Variants in ADGRL4 observed in about 807,000 individuals in gnomAD.
The protein encoded by ADGRL4 is EGF, latrophilin and seven transmembrane domain containing 1.
Under a neutral mutation model 74.8 loss-of-function variants are expected in ADGRL4, and 90 were observed. That is an observed-to-expected ratio of 1.20 (90% CI 1.02 to 1.43). The LOEUF (loss-of-function observed/expected upper bound fraction) is 1.43. Among genes scored for constraint, ADGRL4 ranks in the 40% most tolerant of loss-of-function variants. The pLI, the probability that ADGRL4 is intolerant of heterozygous loss-of-function variation, is 0.00. For missense variants in ADGRL4, 881 were observed against 814.3 expected (o/e 1.08, Z -1.00); for synonymous variants, 311 against 279.2 (o/e 1.11, Z -1.14).
At chr1:78,932,155 C>T (rs1206185628) in intron 7 of ADGRL4, among the ~76,000 whole-genome samples, 2 of 151,510 alleles carry the variant, frequency 1.3e-5, no homozygotes, top group East Asian at 1.9e-4. Flanking sequence ...GGCACTTATT[C>T]TAAAATCGAC....
At chr1:78,981,959 T>C (rs1029219528) in intron 2 of ADGRL4, among the ~76,000 whole-genome samples, 2 of 151,900 alleles carry the variant, frequency 1.3e-5, no homozygotes, top group Admixed American at 1.3e-4. Context: ...TTTAGTCTTC[T>C]TTGTAATCTG....
chr1:79,001,419 C>CA (rs1650841817), intron 2 of ADGRL4, among the ~76,000 whole-genome samples: 1 of 145,716 alleles, frequency 6.9e-6, no homozygotes, highest in Admixed American at 6.8e-5. Context: ...ATGCTTAAGA[C>CA]AAAAAAGAAA....
intron 2 of ADGRL4, among the ~76,000 whole-genome samples, chr1:78,977,431 T>C (rs902881662): frequency 3.3e-5 from 5 of 151,870 alleles, no homozygotes; most frequent in African/African-American, 9.7e-5. Context: ...AGAGTGTGCA[T>C]CTAAAATGGG....
rs566529827 is a variant in ADGRL4 at position 79,006,080 on chromosome 1, T to C, written c.22+553A>G. On this transcript the variant is annotated intron_variant, in intron 1 of 14. Coordinates refer to ENST00000370742, the MANE Select transcript of ADGRL4 (RefSeq NM_022159.4). ...GTTTTACCAGGCCTACTCAAGAGTCTTGAGGACCAACAGCTATGAAGCATG... is the reference window on the plus strand; with the variant it reads ...GTTTTACCAGGCCTACTCAAGAGTCCTGAGGACCAACAGCTATGAAGCATG... Among the ~76,000 whole-genome samples the C allele has an allele frequency of 8.5e-5, 13 of 152,338 alleles. No homozygotes were observed. In the South Asian group the frequency reaches 2.7e-3, roughly 32 times the overall value.
chr1:78,944,039 C>T (rs1029208964), intron 3 of ADGRL4, among the ~76,000 whole-genome samples: 7 of 152,010 alleles, frequency 4.6e-5, no homozygotes, highest in Non-Finnish European at 8.8e-5. Flanking sequence ...AATATACTAC[C>T]TCCATAAAAT....
intron 12 of ADGRL4, among the ~76,000 whole-genome samples, chr1:78,898,127 G>A (rs1039104399): frequency 6.6e-6 from 1 of 152,080 alleles, no homozygotes; most frequent in Non-Finnish European, 1.5e-5. Context: ...GGAGGATAAA[G>A]AATTAGAAAG....
chr1:78,937,318 G>A (rs1275744183), intron 6 of ADGRL4, among the ~76,000 whole-genome samples: 1 of 152,144 alleles, frequency 6.6e-6, no homozygotes. Flanking sequence ...GCTGGCACAC[G>A]CCTGTAATCC....
At chr1:78,905,266 A>G (rs760137653) in intron 12 of ADGRL4, among the ~76,000 whole-genome samples, 51 of 152,072 alleles carry the variant, frequency 3.4e-4, no homozygotes, top group Admixed American at 2.3e-3. Flanking sequence ...TAGAATTGTA[A>G]TTTGTAGATC....
intron 3 of ADGRL4, 43 bp from the exon 4 acceptor site, chr1:78,939,301 T>C: frequency 2.0e-6 from 3 of 1,491,528 alleles, no homozygotes; most frequent in South Asian, 2.7e-5. Context: ...TTTTAAAAAG[T>C]ATTTTTCCTA....
intron 2 of ADGRL4, among the ~76,000 whole-genome samples, chr1:78,959,566 C>T (rs1456455503): frequency 6.6e-6 from 1 of 152,098 alleles, no homozygotes; most frequent in African/African-American, 2.4e-5. Context: ...TGTTTACCTC[C>T]TAGGCAAAAT....
At chr1:78,965,991 C>CAAAAAAAAAAAAAAAAAAAAA (rs201414584) in intron 2 of ADGRL4, among the ~76,000 whole-genome samples, 1 of 107,936 alleles carries the variant, frequency 9.3e-6, no homozygotes. Flanking sequence ...AGGACAGAAC[C>CAAAAAAAAAAAAAAAAAAAAA]AAAAAAAAAA....
chr1:78,981,020 G>C (rs977490124), intron 2 of ADGRL4, among the ~76,000 whole-genome samples: 15 of 151,894 alleles, frequency 9.9e-5, no homozygotes, highest in Non-Finnish European at 2.2e-4. Flanking sequence ...GGACCCCTGA[G>C]TACTTCTTTT....
rs1226673908 is a variant in ADGRL4 at position 78,938,205 on chromosome 1, T to A, written c.471A>T (p.Thr157=). 6.2e-7 allele frequency: 1 copy of A among 1,611,824 alleles called. No homozygotes were observed. The highest frequency in any genetic ancestry group is 8.5e-7 in the Non-Finnish European group (1 of 1,179,054). ...YRNSVTDLSP[T]DIITYIEILA... ...ATATTTCTATATATGTAATTATATC[T>A]GTTGGTGAAAGATCTGTCACAGAAT... Residue 157 remains threonine (T), a synonymous_variant, in exon 5 of 15, where the codon ACA becomes ACT. Coordinates refer to ENST00000370742, the MANE Select transcript of ADGRL4 (RefSeq NM_022159.4).
At chr1:78,942,405 T>C (rs1649505586) in intron 3 of ADGRL4, among the ~76,000 whole-genome samples, 4 of 152,222 alleles carry the variant, frequency 2.6e-5, no homozygotes, top group Non-Finnish European at 4.4e-5. Context: ...AAGAGTGTTT[T>C]CTTCTAGGTT....
chr1:78,979,424 T>C (rs1650355929), intron 2 of ADGRL4, among the ~76,000 whole-genome samples: 1 of 151,972 alleles, frequency 6.6e-6, no homozygotes, highest in Admixed American at 6.6e-5. Context: ...CTTATGGCTC[T>C]AATTTGCCAA....
intron 2 of ADGRL4, among the ~76,000 whole-genome samples, chr1:78,952,910 A>T (rs1649758701): frequency 6.6e-6 from 1 of 151,740 alleles, no homozygotes; most frequent in South Asian, 2.1e-4. Flanking sequence ...ATAAGCCAGG[A>T]AAAAAAACAA....
intron 12 of ADGRL4, among the ~76,000 whole-genome samples, chr1:78,914,846 C>T (rs950254016): frequency 2.6e-5 from 4 of 151,764 alleles, no homozygotes; most frequent in Non-Finnish European, 4.4e-5. Flanking sequence ...GTAGAAGGAT[C>T]TGACCACCAG....
intron 12 of ADGRL4, 86 bp from the exon 13 acceptor site, chr1:78,893,275 T>A: frequency 1.2e-6 from 1 of 823,438 alleles, no homozygotes; most frequent in Non-Finnish European, 1.9e-6. Flanking sequence ...AAGATTTCAA[T>A]AAGATAGAAA....
intron 3 of ADGRL4, among the ~76,000 whole-genome samples, chr1:78,942,054 C>T (rs1423731324): frequency 6.6e-6 from 1 of 151,576 alleles, no homozygotes; most frequent in East Asian, 1.9e-4. Context: ...AAAAAATTAG[C>T]CAGGCATGGG....
Sources: allele counts gnomAD v4.1 joint callset (sites outside exome capture counted in the v4.1 genomes callset), GRCh38; gene constraint gnomAD v4.1.1; transcripts MANE v1.5; gene names NCBI Gene and HGNC (gene_info 2026-07-23, HGNC 2026-07-21).